Variants in GRIK3 observed in about 807,000 individuals in gnomAD.
The protein encoded by GRIK3 is glutamate receptor ionotropic, kainate 3.
A neutral mutation model predicts 102.5 loss-of-function variants in GRIK3; 29 were observed. The observed-to-expected ratio is 0.28, with a 90% CI of 0.21 to 0.39. GRIK3 has a LOEUF of 0.39. GRIK3 is among the 10% of genes least tolerant of loss of function. The pLI is 1.00. For synonymous variants in GRIK3, 511 were observed against 504.9 expected (o/e 1.01, Z -0.16); for missense variants, 908 against 1,252.4 (o/e 0.73, Z 4.15).
chr1:36,958,356 T>G (rs1008861089), intron 1 of GRIK3, among the ~76,000 whole-genome samples: 1 of 61,782 alleles, frequency 1.6e-5, no homozygotes, highest in Non-Finnish European at 2.8e-5. Flanking sequence ...CTTTGAATCT[T>G]TGCTCCATGA....
chr1:36,944,930 G>A (rs1641765960), intron 1 of GRIK3, among the ~76,000 whole-genome samples: 1 of 152,216 alleles, frequency 6.6e-6, no homozygotes, highest in South Asian at 2.1e-4. Flanking sequence ...TCTAGCAGTG[G>A]CTGAGCTGAC....
At chr1:36,968,800 C>T (rs1414319198) in intron 1 of GRIK3, among the ~76,000 whole-genome samples, 2 of 152,242 alleles carry the variant, frequency 1.3e-5, no homozygotes, top group Non-Finnish European at 2.9e-5. Flanking sequence ...GTGGGTGTCT[C>T]AGGAGCAGAT....
chr1:36,838,240 AG>A (rs1165077588), intron 10 of GRIK3, among the ~76,000 whole-genome samples: 4 of 152,208 alleles, frequency 2.6e-5, no homozygotes, highest in Admixed American at 2.0e-4. Context: ...ATGGAAATGG[AG>A]GCCGGAGAAA....
At chr1:36,878,130 C>CA (rs1640929523) in intron 3 of GRIK3, among the ~76,000 whole-genome samples, 1 of 152,224 alleles carries the variant, frequency 6.6e-6, no homozygotes, top group Admixed American at 6.5e-5. Context: ...TACACTGTAC[C>CA]AGACCCTGTG....
intron 1 of GRIK3, among the ~76,000 whole-genome samples, chr1:37,001,922 G>C (rs58240938): frequency 1.1e-4 from 16 of 152,252 alleles, no homozygotes; most frequent in African/African-American, 3.4e-4. Flanking sequence ...TGCCTCAGAG[G>C]CCTCACAACT....
At chr1:37,010,834 C>T (rs1351223179) in intron 1 of GRIK3, among the ~76,000 whole-genome samples, 4 of 150,586 alleles carry the variant, frequency 2.7e-5, no homozygotes, top group Admixed American at 6.6e-5. Context: ...CTCCGCTTCC[C>T]GGGTTCACGC....
chr1:36,987,440 C>G (rs1335767202), intron 1 of GRIK3, among the ~76,000 whole-genome samples: 1 of 152,128 alleles, frequency 6.6e-6, no homozygotes, highest in Non-Finnish European at 1.5e-5. Context: ...GGGAATGGAG[C>G]CAAGAAGGGG....
At chr1:36,818,434 T>C (rs1642654444) in intron 12 of GRIK3, among the ~76,000 whole-genome samples, 1 of 152,202 alleles carries the variant, frequency 6.6e-6, no homozygotes, top group South Asian at 2.1e-4. Flanking sequence ...GGGCTCTGTG[T>C]CCCCTCCCCA....
At position 36,801,981 on chromosome 1, in the gene GRIK3, T is replaced by C. The variant is rs1289023221; in HGVS notation, c.2630A>G (p.Lys877Arg). 1 of 1,613,878 alleles carries C rather than the reference T, an allele frequency of 6.2e-7. No homozygotes were observed. Among genetic ancestry groups the C allele is most frequent in the African/African-American group, 1.3e-5 (1 of 75,020 alleles). Residue 877 changes from lysine (K) to arginine (R), a missense_variant, in exon 16 of 16, where the codon AAG becomes AGG. This residue lies in a region of GRIK3 where 297 missense variants were observed against 362.7 expected (regional missense o/e 0.82). Transcript: ENST00000373091. ...RFSLTCQRRV[K>R]HKPQPPMMVK... ...CATCATGGGAGGCTGAGGCTTGTGC[T>C]TGACTCGACGCTGGCAGGTAAGGGA...
chr1:36,933,558 T>C (rs1296730585), intron 1 of GRIK3, among the ~76,000 whole-genome samples: 1 of 152,212 alleles, frequency 6.6e-6, no homozygotes. Context: ...TTATTTGTTT[T>C]CCTGTGGTTT....
At chr1:36,961,732 A>G (rs894208289) in intron 1 of GRIK3, among the ~76,000 whole-genome samples, 30 of 152,308 alleles carry the variant, frequency 2.0e-4, no homozygotes, top group African/African-American at 7.0e-4. Flanking sequence ...GGATGCAAAG[A>G]CCCGTGAATG....
intron 1 of GRIK3, among the ~76,000 whole-genome samples, chr1:36,927,954 G>A (rs2124310654): frequency 6.6e-6 from 1 of 152,330 alleles, no homozygotes; most frequent in African/African-American, 2.4e-5. Context: ...TTGTGTATGA[G>A]AGGGAAGGAG....
intron 5 of GRIK3, among the ~76,000 whole-genome samples, chr1:36,862,476 G>A (rs940683207): frequency 6.6e-6 from 1 of 152,124 alleles, no homozygotes; most frequent in Admixed American, 6.5e-5. Context: ...CCTAGATAAC[G>A]CTGATGCATA....
In GRIK3 at chr1:36,804,769, G is replaced by A. The variant is rs137925548; in HGVS notation, c.2565+218C>T. The A allele has an allele frequency of 2.1e-4, 123 of 597,192 alleles. 1 individual carries two copies. In the Middle Eastern group the frequency reaches 3.3e-3, roughly 16 times the overall value. The allele number at this position is 597,192 out of a possible 1,614,324, so 37.0% of individuals were successfully genotyped here. The stretch of plus-strand genomic sequence containing the variant: ...GAAGGCTGCGGCATAATCCAGGCAG[G>A]AGGTGATGGGGCTTGGCCTGGGGTG... On this transcript the variant is annotated intron_variant, in intron 15 of 15. Coordinates refer to ENST00000373091, the MANE Select transcript of GRIK3 (RefSeq NM_000831.4).
At chr1:36,807,413 C>T (rs1008562833) in intron 13 of GRIK3, among the ~76,000 whole-genome samples, 4 of 152,154 alleles carry the variant, frequency 2.6e-5, no homozygotes, top group Non-Finnish European at 4.4e-5. Context: ...GGTGGTTCTG[C>T]AGGCCCCACT....
At chr1:36,936,674 A>G (rs1161044181) in intron 1 of GRIK3, among the ~76,000 whole-genome samples, 2 of 151,990 alleles carry the variant, frequency 1.3e-5, no homozygotes, top group South Asian at 2.1e-4. Context: ...GTACTTGTTT[A>G]TTTTCTTCTC....
At chr1:37,010,007 G>C (rs904272468) in intron 1 of GRIK3, among the ~76,000 whole-genome samples, 1 of 152,196 alleles carries the variant, frequency 6.6e-6, no homozygotes, top group Admixed American at 6.5e-5. Flanking sequence ...TAGAAAGAGG[G>C]GGGAGCAGAG....
chr1:36,887,493 A>C (rs1303659780), intron 2 of GRIK3, among the ~76,000 whole-genome samples: 1 of 152,126 alleles, frequency 6.6e-6, no homozygotes, highest in African/African-American at 2.4e-5. Context: ...GTGGTGGCTC[A>C]TACTTGTAAT....
In GRIK3 at chr1:36,797,188, T is replaced by C. The variant is rs1301730312; in HGVS notation, c.*4663A>G. On this transcript the variant is annotated 3_prime_UTR_variant, in exon 16 of 16. Coordinates refer to ENST00000373091, the MANE Select transcript of GRIK3 (RefSeq NM_000831.4). ...GCTGCAGCCCCCATCTCTCATCTGG[T>C]CCTCACCCGTGCTGGCTGGGTTCTG... is the stretch of plus-strand genomic sequence containing the variant. The C allele has an allele frequency of 1.3e-5, 2 of 152,062 alleles. No individual in the cohort carries two copies. Among genetic ancestry groups the C allele is most frequent in the East Asian group, 3.9e-4 (2 of 5,178 alleles). The allele number at this position is 152,062 out of a possible 1,614,324, so 9.4% of individuals were successfully genotyped here. A position where few individuals can be genotyped will look rare whatever the true frequency, so the allele number is the denominator to read the frequency against.
Sources: gnomAD v4.1 joint callset for allele counts (sites outside exome capture counted in the v4.1 genomes callset) on GRCh38, gnomAD v4.1.1 for gene constraint, gnomAD v4.1.1 regional missense constraint, MANE v1.5 for transcripts, NCBI Gene and HGNC (gene_info 2026-07-23, HGNC 2026-07-21) for gene names.